The following SBNO1 variants were observed in gnomAD, a reference collection of about 807,000 sequenced individuals.
The protein encoded by SBNO1 is protein strawberry notch homolog 1.
A neutral mutation model predicts 173.6 loss-of-function variants in SBNO1; 23 were observed. The ratio of observed to expected loss-of-function variants is 0.13; its 90% confidence interval spans 0.10 to 0.19. The LOEUF is 0.19. Among genes scored for constraint, SBNO1 ranks in the 10% least tolerant of loss-of-function variants. The pLI, the probability that SBNO1 is intolerant of heterozygous loss-of-function variation, is 1.00. For missense variants in SBNO1, 1,238 were observed against 1,671.2 expected (o/e 0.74, Z 4.52); for synonymous variants, 632 against 571.5 (o/e 1.11, Z -1.51).
At position 123,309,515 on chromosome 12, in the gene SBNO1, T is replaced by A. The variant is rs147063185; in HGVS notation, c.3511A>T (p.Thr1171Ser). ...GTGTATAATTCTACGTGGCCAGAGG[T>A]TGAATATCCTGGAGTCAGAAACTTT... ...VKKFLTPGYS[T>S]SGHVELYTIS... is the part of the protein sequence containing the mutation. Residue 1171 changes from threonine to serine, a missense_variant, in exon 27 of 32, where the codon ACC becomes TCC. Thr to Ser is a moderately conservative substitution (Grantham distance 58). This residue lies in a region of SBNO1 where 351 missense variants were observed against 420.3 expected (regional missense o/e 0.84). Transcript: ENST00000602398. 1.2e-6 allele frequency: 2 copies of A among 1,613,804 alleles called. No individual in the cohort carries two copies. Among genetic ancestry groups the A allele is most frequent in the East Asian group, 2.2e-5 (1 of 44,870 alleles).
chr12:123,307,302 T>C (rs548724939), intron 28 of SBNO1, among the ~76,000 whole-genome samples: 1 of 152,022 alleles, frequency 6.6e-6, no homozygotes, highest in South Asian at 2.1e-4. Context: ...GGAATAAATC[T>C]AGCTTGGCAC....
chr12:123,351,649 C>T (rs2139078588), intron 1 of SBNO1, among the ~76,000 whole-genome samples: 1 of 152,156 alleles, frequency 6.6e-6, no homozygotes, highest in East Asian at 1.9e-4. Context: ...AGAAGGATTA[C>T]TCAACAGCAA....
At chr12:123,347,062 A>G (rs1873245433) in intron 3 of SBNO1, among the ~76,000 whole-genome samples, 3 of 140,366 alleles carry the variant, frequency 2.1e-5, no homozygotes, top group South Asian at 4.8e-4. Context: ...TGGGCGACAA[A>G]GCGAGTCTCC....
At chr12:123,336,372 T>A (rs771402433) in intron 6 of SBNO1, 23 bp downstream of exon 6, 8 of 1,383,362 alleles carry the variant, frequency 5.8e-6, no homozygotes, top group Non-Finnish European at 8.1e-6. Flanking sequence ...GATGTAAATA[T>A]CTGACAAATC....
intron 21 of SBNO1, among the ~76,000 whole-genome samples, chr12:123,316,797 G>T (rs1402798314): frequency 6.7e-6 from 1 of 150,004 alleles, no homozygotes; most frequent in Non-Finnish European, 1.5e-5. Context: ...GCGCCTCCCA[G>T]GTTCAAGCAA....
chr12:123,316,941 A>G (rs1294505660), intron 21 of SBNO1, among the ~76,000 whole-genome samples: 2 of 151,610 alleles, frequency 1.3e-5, no homozygotes, highest in Non-Finnish European at 2.9e-5. Flanking sequence ...ACCTCAAGTG[A>G]TGCACCCACC....
At chr12:123,321,842 T>A in intron 16 of SBNO1, 110 bp from the exon 17 acceptor site, 1 of 886,898 alleles carries the variant, frequency 1.1e-6, no homozygotes, top group Non-Finnish European at 1.8e-6. Flanking sequence ...AGAGGAAAAG[T>A]ATTTAGGTTA....
chr12:123,308,240 C>T (rs1188833794), intron 28 of SBNO1, among the ~76,000 whole-genome samples: 1 of 152,128 alleles, frequency 6.6e-6, no homozygotes, highest in Non-Finnish European at 1.5e-5. Context: ...TGCGCACACA[C>T]ACCCCTTAGT....
intron 28 of SBNO1, among the ~76,000 whole-genome samples, chr12:123,308,202 A>G (rs974830376): frequency 4.6e-5 from 7 of 151,936 alleles, no homozygotes; most frequent in Middle Eastern, 3.2e-3. Flanking sequence ...CATACTGTTG[A>G]GTATCTACAC....
At position 123,323,671 on chromosome 12, in the gene SBNO1, A is replaced by T; in HGVS notation, c.2125+9T>A. 6.3e-7 allele frequency: 1 copy of T among 1,583,712 alleles called. No homozygotes were observed. The highest frequency in any genetic ancestry group is 8.6e-7 in the Non-Finnish European group (1 of 1,168,988). ...ACCTGGCCTATTTTTTCTTTTTTAA[A>T]GTGCTCACCTTTCCGCTTCTTTATT... is the stretch of plus-strand genomic sequence containing the variant. On this transcript the variant is annotated intron_variant, in intron 16 of 31. Coordinates refer to ENST00000602398, the MANE Select transcript of SBNO1 (RefSeq NM_001167856.3).
intron 20 of SBNO1, among the ~76,000 whole-genome samples, chr12:123,318,643 G>C (rs1368940986): frequency 6.6e-6 from 1 of 150,438 alleles, no homozygotes; most frequent in Non-Finnish European, 1.5e-5. Flanking sequence ...TGAGGCACAA[G>C]AATCACTTGG....
chr12:123,356,263 T>C (rs886366921), intron 1 of SBNO1, among the ~76,000 whole-genome samples: 1 of 152,256 alleles, frequency 6.6e-6, no homozygotes, highest in South Asian at 2.1e-4. Flanking sequence ...GAAGTAAATG[T>C]GATACTACCT....
chr12:123,313,445 T>G (rs996229422), intron 24 of SBNO1, among the ~76,000 whole-genome samples, 175 bp downstream of exon 24: 1 of 152,088 alleles, frequency 6.6e-6, no homozygotes, highest in African/African-American at 2.4e-5. Flanking sequence ...TAAAATTTGC[T>G]TTAATAAATC....
chr12:123,343,289 G>A (rs1872758705), intron 4 of SBNO1, among the ~76,000 whole-genome samples: 1 of 152,114 alleles, frequency 6.6e-6, no homozygotes, highest in East Asian at 1.9e-4. Flanking sequence ...CTAGAACAGA[G>A]ATGATATTTG....
In SBNO1 at chr12:123,315,089, A is replaced by T. The variant is rs77190493; in HGVS notation, c.3120+284T>A. Among the ~76,000 whole-genome samples, 1,974 of 152,264 alleles carry T rather than the reference A, an allele frequency of 0.013. 19 individuals carry two copies. The highest frequency in any genetic ancestry group is 0.021 in the Admixed American group (322 of 15,278). On this transcript the variant is annotated intron_variant, in intron 23 of 31. Coordinates refer to ENST00000602398, the MANE Select transcript of SBNO1 (RefSeq NM_001167856.3). ...CTAGTTCATGTCTCTACACATAAAA[A>T]ACATGAGAAAAATTAACTTCCTTTG...
rs776972412 is a variant in SBNO1 at position 123,311,006 on chromosome 12, T to G, written c.3295+49A>C. 38 of 1,314,026 alleles carry G rather than the reference T, an allele frequency of 2.9e-5. No individual in the cohort carries two copies. In the East Asian group the frequency reaches 8.8e-4, roughly 30 times the overall value. The allele number at this position is 1,314,026 out of a possible 1,614,324, so 81.4% of individuals were successfully genotyped here. Reference sequence around the variant, plus strand: ...TCAAAAGCATATATCATAATGGACTTTAATACTATAGCAACAGTTATATGC... The same window carrying G: ...TCAAAAGCATATATCATAATGGACTGTAATACTATAGCAACAGTTATATGC... On this transcript the variant is annotated intron_variant, in intron 25 of 31. Transcript: ENST00000602398.
chr12:123,307,473 G>A (rs535811627), intron 28 of SBNO1, among the ~76,000 whole-genome samples: 1 of 152,286 alleles, frequency 6.6e-6, no homozygotes, highest in South Asian at 2.1e-4. Flanking sequence ...TCCTGCCCTA[G>A]ATCATTTATG....
In SBNO1 at chr12:123,289,607, AGAG is replaced by A. The variant is rs2048481539; in HGVS notation, c.*6298_*6300del. On this transcript the variant is annotated 3_prime_UTR_variant, in exon 32 of 32. Coordinates refer to ENST00000602398, the MANE Select transcript of SBNO1 (RefSeq NM_001167856.3). ...CTACATAGAAAAGTATCCTTTGCTC[AGAG>A]GAGGTAGAACCTGGCCAAAGTTTTA... 1 of 152,274 alleles carries A rather than the reference AGAG, an allele frequency of 6.6e-6. No homozygotes were observed. The highest frequency in any genetic ancestry group is 2.4e-5 in the African/African-American group (1 of 41,466). 9.4% of individuals were successfully genotyped at this position (152,274 alleles called of 1,614,324 possible). A position where few individuals can be genotyped will look rare whatever the true frequency, so the allele number is the denominator to read the frequency against.
rs1392065782 is a variant in SBNO1 at position 123,289,981 on chromosome 12, G to T, written c.*5927C>A. On this transcript the variant is annotated 3_prime_UTR_variant, in exon 32 of 32. Transcript: ENST00000602398. ...GGCCCGCAGTGGAAAAGCCAGACAGGTTCTCACCAGGGGCCTGCAGAGTGG... is the reference window on the plus strand; with the variant it reads ...GGCCCGCAGTGGAAAAGCCAGACAGTTTCTCACCAGGGGCCTGCAGAGTGG... The T allele has an allele frequency of 6.6e-6, 1 of 152,284 alleles. No homozygotes were observed. The highest frequency in any genetic ancestry group is 1.5e-5 in the Non-Finnish European group (1 of 68,070). 9.4% of individuals were successfully genotyped at this position (152,284 alleles called of 1,614,324 possible).
Sources: allele counts gnomAD v4.1 joint callset (sites outside exome capture counted in the v4.1 genomes callset), GRCh38; gene constraint gnomAD v4.1.1; regional missense constraint gnomAD v4.1.1; transcripts MANE v1.5; gene names NCBI Gene and HGNC (gene_info 2026-07-23, HGNC 2026-07-21).